Variants in MNX1 observed in about 807,000 individuals in gnomAD.
MNX1 encodes motor neuron and pancreas homeobox protein 1.
Under a neutral mutation model 17.3 loss-of-function variants are expected in MNX1, and 2 were observed. The observed-to-expected ratio is 0.12, with a 90% CI of 0.05 to 0.36. The LOEUF is 0.36. Ranked by LOEUF, MNX1 falls within the 10% of genes least tolerant of loss-of-function variation. The pLI is 1.00. For synonymous variants in MNX1, 306 were observed against 283.1 expected (o/e 1.08, Z -0.81); for missense variants, 556 against 564.7 (o/e 0.98, Z 0.16).
At position 157,006,314 on chromosome 7, in the gene MNX1, G is replaced by A; in HGVS notation, c.852+165C>T. On this transcript the variant is annotated intron_variant, in intron 2 of 2. Transcript: ENST00000252971. The surrounding 1 kb of genome is among the most constrained non-coding windows in gnomAD (Gnocchi z 6.3). Reference sequence around the variant, plus strand: ...TGCTGATTCTTGGGCCCCACCCGAAGCTACTGAATCGGCGCTCTGGGCACC... The same window carrying A: ...TGCTGATTCTTGGGCCCCACCCGAAACTACTGAATCGGCGCTCTGGGCACC... The A allele has an allele frequency of 1.4e-6, 1 of 692,834 alleles. No individual in the cohort carries two copies. The highest frequency in any genetic ancestry group is 2.4e-6 in the Non-Finnish European group (1 of 421,094). The allele number at this position is 692,834 out of a possible 1,614,324, so 42.9% of individuals were successfully genotyped here. A position where few individuals can be genotyped will look rare whatever the true frequency, so the allele number is the denominator to read the frequency against.
chr7:157,005,943 G>C (rs1355309317), intron 2 of MNX1, 70 bp from the exon 3 acceptor site: 4 of 1,575,494 alleles, frequency 2.5e-6, no homozygotes, highest in Non-Finnish European at 3.5e-6. Context: ...GGAGTCCCCC[G>C]GCCGCGTGCG....
chr7:157,006,759 C>T lies in MNX1; in HGVS notation c.692-120G>A. ...CGCCAAGGCCTGGCCCTGCAGAGGG[C>T]GGGGCTGTTCCCTCACTATCAGTGC... On this transcript the variant is annotated intron_variant, in intron 1 of 2. Coordinates refer to ENST00000252971, the MANE Select transcript of MNX1 (RefSeq NM_005515.4). This position sits in a 1 kb window ranked among gnomAD's most constrained non-coding sequence, Gnocchi z 6.3. The T allele has an allele frequency of 2.7e-6, 3 of 1,098,292 alleles. No individual in the cohort carries two copies. Among genetic ancestry groups the T allele is most frequent in the East Asian group, 5.3e-5 (2 of 37,724 alleles). The allele number at this position is 1,098,292 out of a possible 1,614,324, so 68.0% of individuals were successfully genotyped here. A position where few individuals can be genotyped will look rare whatever the true frequency, so the allele number is the denominator to read the frequency against.
Position 157,005,784 on chromosome 7 carries a change from C to T in MNX1, c.942G>A (p.Lys314=), listed in dbSNP as rs1466715343. 3.7e-6 allele frequency: 6 copies of T among 1,611,388 alleles called. No homozygotes were observed. Among genetic ancestry groups the T allele is most frequent in the South Asian group, 2.2e-5 (2 of 91,086 alleles). The change falls in exon 3 of 3, where the codon AAG becomes AAA. Residue 314 remains lysine (K), a synonymous_variant. Coordinates refer to ENST00000252971, the MANE Select transcript of MNX1 (RefSeq NM_005515.4). ...CCTTCCCCGCGCCCCCGCCGCCGCC[C>T]TTCTGTTTCTCCGCTTCCTGCGCCG... The part of the protein sequence containing the change: ...EQAAQEAEKQ[K]GGGGGAGKGG...
Position 157,009,892 on chromosome 7 carries a change from C to A in MNX1, c.459G>T (p.Pro153=), listed in dbSNP as rs1364144713. The part of the protein sequence containing the change: ...PGGAQGGAGL[P]AQAALYGHPV... ...GGTGGCCGTAGAGCGCCGCCTGCGC[C>A]GGGAGGCCCGCGCCGCCCTGCGCGC... The change falls in exon 1 of 3, where the codon CCG becomes CCT. Residue 153 remains proline, a synonymous_variant. Transcript: ENST00000252971. The A allele has an allele frequency of 2.4e-5, 33 of 1,400,914 alleles. No homozygotes were observed. In the African/African-American group the frequency reaches 4.1e-4, roughly 17 times the overall value. The allele number at this position is 1,400,914 out of a possible 1,614,324, so 86.8% of individuals were successfully genotyped here.
chr7:157,005,512 C>CG lies in MNX1; in HGVS notation c.*7dup. On this transcript the variant is annotated 3_prime_UTR_variant, in exon 3 of 3. Coordinates refer to ENST00000252971, the MANE Select transcript of MNX1 (RefSeq NM_005515.4). ...CGTGCGCGCCGCACCTGCTGGGCCG[C>CG]GGGGCTCCTACTGGGGCGCGGGCTG... 2 of 1,443,510 alleles carry CG rather than the reference C, an allele frequency of 1.4e-6. No individual in the cohort carries two copies. Among genetic ancestry groups the CG allele is most frequent in the East Asian group, 5.9e-5 (2 of 33,784 alleles). 89.4% of individuals were successfully genotyped at this position (1,443,510 alleles called of 1,614,324 possible). A position where few individuals can be genotyped will look rare whatever the true frequency, so the allele number is the denominator to read the frequency against.
At position 157,009,914 on chromosome 7, in the gene MNX1, G is replaced by C. The variant is rs1485109022; in HGVS notation, c.437C>G (p.Ala146Gly). Residue 146 changes from alanine to glycine, a missense_variant, in exon 1 of 3, where the codon GCG (alanine) becomes GGG (glycine). By Grantham distance (60) the Ala-to-Gly change is moderately conservative (BLOSUM62 0). Around this residue, in one of 7 missense-constraint regions of MNX1, gnomAD observed 210 missense variants for 211.3 expected, o/e 0.99. Coordinates refer to ENST00000252971, the MANE Select transcript of MNX1 (RefSeq NM_005515.4). ...CGCCGGGAGGCCCGCGCCGCCCTGC[G>C]CGCCCCCAGGGTGCAGCCCCAGCGC... Reference protein sequence around the residue: ...GLALGLHPGGAQGGAGLPAQA... With the variant: ...GLALGLHPGGGQGGAGLPAQA... 1.5e-6 allele frequency: 2 copies of C among 1,294,276 alleles called. No homozygotes were observed. Among genetic ancestry groups the C allele is most frequent in the Non-Finnish European group, 2.0e-6 (2 of 1,021,864 alleles). 80.2% of individuals were successfully genotyped at this position (1,294,276 alleles called of 1,614,324 possible). A position where few individuals can be genotyped will look rare whatever the true frequency, so the allele number is the denominator to read the frequency against.
intron 1 of MNX1, chr7:157,008,763 C>T (rs1805649738): frequency 1.7e-6 from 1 of 580,908 alleles, no homozygotes; most frequent in South Asian, 2.2e-5. Flanking sequence ...ATCTGCTCGG[C>T]CCGACTCATA....
chr7:157,006,642 G>T lies in MNX1; in HGVS notation c.692-3C>A. ...CAGGAGGTTCGACTGCGCCTGGGCT[G>T]GGGACCAAAGGGCAGTGAGGCCCAC... On this transcript the variant is annotated splice_polypyrimidine_tract_variant and splice_region_variant and intron_variant, in intron 1 of 2. Transcript: ENST00000252971. This position sits in a 1 kb window ranked among gnomAD's most constrained non-coding sequence, Gnocchi z 6.3. 1 of 1,583,168 alleles carries T rather than the reference G, an allele frequency of 6.3e-7. No individual in the cohort carries two copies. Among genetic ancestry groups the T allele is most frequent in the East Asian group, 2.3e-5 (1 of 43,694 alleles).
At chr7:157,009,342 T>G (rs1196877449) in intron 1 of MNX1, 2 of 1,414,488 alleles carry the variant, frequency 1.4e-6, no homozygotes, top group East Asian at 5.2e-5. Context: ...CGCTCTCGGC[T>G]CGCCTTCCCC....
intron 1 of MNX1, 62 bp downstream of exon 1, chr7:157,009,598 C>T: frequency 1.9e-6 from 3 of 1,577,654 alleles, no homozygotes; most frequent in South Asian, 2.3e-5. Context: ...GCAGGCGGTG[C>T]CGGTGGAGGA....
At chr7:157,009,192 T>A (rs1276554106) in intron 1 of MNX1, 4 of 1,461,774 alleles carry the variant, frequency 2.7e-6, no homozygotes, top group African/African-American at 1.4e-5. Context: ...AGCCCATTTC[T>A]CTTGTTTGCT....
chr7:157,009,530 G>A, intron 1 of MNX1, 130 bp downstream of exon 1: 1 of 1,480,028 alleles, frequency 6.8e-7, no homozygotes, highest in Non-Finnish European at 9.0e-7. Context: ...GCCCCGGGCA[G>A]AGCCGAGGCG....
intron 1 of MNX1, chr7:157,007,726 A>G (rs959287294): frequency 1.6e-4 from 24 of 152,436 alleles, no homozygotes; most frequent in African/African-American, 5.0e-4. Context: ...GGACAATAAA[A>G]GAAAGAAAGC....
chr7:157,008,893 C>T (rs898267634), intron 1 of MNX1: 7 of 1,233,904 alleles, frequency 5.7e-6, no homozygotes, highest in East Asian at 5.1e-5. Flanking sequence ...AGGCCTCTGG[C>T]GAGGTGTCCC....
Position 157,010,209 on chromosome 7 carries a change from C to A in MNX1, c.142G>T (p.Gly48Cys). 1.6e-6 allele frequency: 2 copies of A among 1,236,046 alleles called. No homozygotes were observed. The highest frequency in any genetic ancestry group is 7.2e-5 in the South Asian group (2 of 27,930). 76.6% of individuals were successfully genotyped at this position (1,236,046 alleles called of 1,614,324 possible). Residue 48 changes from glycine to cysteine, a missense_variant, in exon 1 of 3, where the codon GGC becomes TGC. By Grantham distance (159) the Gly-to-Cys change is radical (BLOSUM62 -3). Coordinates refer to ENST00000252971, the MANE Select transcript of MNX1 (RefSeq NM_005515.4). ...ASGTGGGGGG[G>C]GASGGTSGSC... Reference sequence around the variant, plus strand: ...CCGCTAGTCCCGCCGCTCGCCCCGCCGCCGCCGCCGCCACCTCCGGTGCCA... The same window carrying A: ...CCGCTAGTCCCGCCGCTCGCCCCGCAGCCGCCGCCGCCACCTCCGGTGCCA...
chr7:157,006,143 G>A lies in MNX1; in HGVS notation c.853-270C>T, dbSNP rs572119594. The stretch of plus-strand genomic sequence containing the variant: ...ACCCAGGCCGGGGACTTTTCTACCC[G>A]CGCCCTCCGTCTGCGGAGGAAGGGT... On this transcript the variant is annotated intron_variant, in intron 2 of 2. Transcript: ENST00000252971. The surrounding 1 kb of genome is among the most constrained non-coding windows in gnomAD (Gnocchi z 6.3). Among the ~76,000 whole-genome samples, 23 of 152,344 alleles carry A rather than the reference G, an allele frequency of 1.5e-4. No individual in the cohort carries two copies. The highest frequency in any genetic ancestry group is 5.5e-4 in the African/African-American group (23 of 41,586).
At position 157,005,658 on chromosome 7, in the gene MNX1, G is replaced by A; in HGVS notation, c.1068C>T (p.Pro356=). The part of the protein sequence containing the change: ...RRLRDLRDSD[P]EEDEDEDDED... Reference sequence around the variant, plus strand: ...CGTCGTCCTCGTCCTCGTCCTCCTCGGGGTCACTGTCCCTCAAGTCCCGCA... The same window carrying A: ...CGTCGTCCTCGTCCTCGTCCTCCTCAGGGTCACTGTCCCTCAAGTCCCGCA... The change falls in exon 3 of 3, where the codon CCC becomes CCT. Residue 356 remains proline (P), a synonymous_variant. Coordinates refer to ENST00000252971, the MANE Select transcript of MNX1 (RefSeq NM_005515.4). 6.2e-7 allele frequency: 1 copy of A among 1,609,844 alleles called. No homozygotes were observed. Among genetic ancestry groups the A allele is most frequent in the South Asian group, 1.1e-5 (1 of 90,760 alleles).
Position 157,005,309 on chromosome 7 carries a change from A to T in MNX1, c.*211T>A, listed in dbSNP as rs1217252951. 4.6e-5 allele frequency: 13 copies of T among 284,348 alleles called. No individual in the cohort carries two copies. The highest frequency in any genetic ancestry group is 6.5e-5 in the Non-Finnish European group (10 of 153,752). The allele number at this position is 284,348 out of a possible 1,614,324, so 17.6% of individuals were successfully genotyped here. A position where few individuals can be genotyped will look rare whatever the true frequency, so the allele number is the denominator to read the frequency against. Reference sequence around the variant, plus strand: ...GTCTCCCTCTCGCTGTTTCTTGAAGAGCAGGTGAGGCGCCCTTGCTTAAAA... The same window carrying T: ...GTCTCCCTCTCGCTGTTTCTTGAAGTGCAGGTGAGGCGCCCTTGCTTAAAA... On this transcript the variant is annotated 3_prime_UTR_variant, in exon 3 of 3. Transcript: ENST00000252971.
chr7:157,009,292 TAAGCCCTGA>T, intron 1 of MNX1: 1 of 1,419,494 alleles, frequency 7.0e-7, no homozygotes, highest in Admixed American at 2.9e-5. Flanking sequence ...TCCCCGGTGA[TAAGCCCTGA>T]CCCCCATTCC....
Sources: allele counts gnomAD v4.1 joint callset (sites outside exome capture counted in the v4.1 genomes callset), GRCh38; gene constraint gnomAD v4.1.1; regional missense constraint gnomAD v4.1.1; non-coding constraint Gnocchi (gnomAD v3.1); transcripts MANE v1.5; gene names NCBI Gene and HGNC (gene_info 2026-07-23, HGNC 2026-07-21).